PIAS2: variants seen among roughly 807,000 people sequenced by gnomAD.
PIAS2 encodes the protein protein inhibitor of activated STAT 2.
A neutral mutation model predicts 69.7 loss-of-function variants in PIAS2; 19 were observed. The ratio of observed to expected loss-of-function variants is 0.27; its 90% CI spans 0.19 to 0.40. The LOEUF (loss-of-function observed/expected upper bound fraction) is 0.40, where lower values mean the gene tolerates loss of function less well. Among genes scored for constraint, PIAS2 ranks in the 10% least tolerant of loss-of-function variants. PIAS2 has a pLI of 1.00. For missense variants in PIAS2, 624 were observed against 757.0 expected, an observed-to-expected ratio of 0.82 and a Z score of 2.06; for synonymous variants, 261 against 263.2, an observed-to-expected ratio of 0.99 and a Z score of 0.08.
intron 1 of PIAS2, among the ~76,000 whole-genome samples, chr18:46,907,001 G>A (rs1390938883): frequency 2.0e-5 from 3 of 152,160 alleles, no homozygotes; most frequent in Non-Finnish European, 4.4e-5. Context: ...GCACTACAAA[G>A]GCAGTAAGGA....
chr18:46,904,184 C>A (rs770765198), intron 1 of PIAS2: 3 of 151,826 alleles, frequency 2.0e-5, no homozygotes, highest in Non-Finnish European at 4.4e-5. Flanking sequence ...TGATACTGTA[C>A]TATGGTCTTT....
At chr18:46,880,511 G>A (rs571870185) in intron 2 of PIAS2, among the ~76,000 whole-genome samples, 1 of 152,320 alleles carries the variant, frequency 6.6e-6, no homozygotes, top group East Asian at 1.9e-4. Context: ...GAGGCCAAGA[G>A]TTCAAGGATG....
intron 2 of PIAS2, among the ~76,000 whole-genome samples, chr18:46,887,854 A>C (rs2053457945): frequency 6.6e-6 from 1 of 152,204 alleles, no homozygotes; most frequent in South Asian, 2.1e-4. Flanking sequence ...TGCTTGAGTA[A>C]GTTCTAGCCA....
chr18:46,821,503 T>A (rs2042175703), intron 11 of PIAS2, among the ~76,000 whole-genome samples: 1 of 152,198 alleles, frequency 6.6e-6, no homozygotes. Context: ...CTACTCACTG[T>A]AGCACAATCC....
At position 46,821,052 on chromosome 18, in the gene PIAS2, G is replaced by A. The variant is rs1476730777; in HGVS notation, c.1529C>T (p.Ser510Phe). ...AGTCACACTGGGCACCCTTACAGAA[G>A]ATGGCTGATACATGAGAACCCTGTT... The part of the protein sequence containing the change: ...PTKGVLMYQP[S>F]SVRVPSVTSV... Residue 510 changes from serine (S) to phenylalanine (F), a missense_variant, in exon 12 of 14, where the codon TCT becomes TTT. Coordinates refer to ENST00000585916, the MANE Select transcript of PIAS2 (RefSeq NM_004671.5). 6.2e-6 allele frequency: 10 copies of A among 1,613,266 alleles called. No homozygotes were observed. Among genetic ancestry groups the A allele is most frequent in the Non-Finnish European group, 8.5e-6 (10 of 1,179,552 alleles).
intron 2 of PIAS2, among the ~76,000 whole-genome samples, chr18:46,885,555 A>G (rs2053030903): frequency 6.6e-6 from 1 of 151,948 alleles, no homozygotes; most frequent in South Asian, 2.1e-4. Context: ...GCATATACTC[A>G]TTATGGTTTT....
At chr18:46,821,949 C>T (rs1271181931) in intron 11 of PIAS2, among the ~76,000 whole-genome samples, 1 of 151,996 alleles carries the variant, frequency 6.6e-6, no homozygotes, top group Non-Finnish European at 1.5e-5. Flanking sequence ...TTTCTCTTAG[C>T]CCAGGGTAAA....
intron 1 of PIAS2, among the ~76,000 whole-genome samples, chr18:46,896,019 C>T (rs1056492851): frequency 6.6e-6 from 1 of 151,664 alleles, no homozygotes; most frequent in African/African-American, 2.4e-5. Context: ...ATGCTACATT[C>T]CAAATTCAGG....
intron 6 of PIAS2, among the ~76,000 whole-genome samples, chr18:46,845,390 C>A (rs536743577): frequency 3.8e-4 from 58 of 152,200 alleles, no homozygotes; most frequent in African/African-American, 1.2e-3. Context: ...GCAAATGAAC[C>A]AGGTATCAGC....
Position 46,807,377 on chromosome 18 carries a change from ATATATATTTTTT to A in PIAS2, c.*5044_*5055del, listed in dbSNP as rs1478522884. On this transcript the variant is annotated 3_prime_UTR_variant, in exon 14 of 14. Transcript: ENST00000585916. ...ATTTTATATATATATATATATATAT[ATATATATTTTTT>A]TTTTTTTTTTTTTTTTTTTTTAGAG... 7 of 25,048 alleles carry A rather than the reference ATATATATTTTTT, an allele frequency of 2.8e-4. No individual in the cohort carries two copies. Among genetic ancestry groups the A allele is most frequent in the Non-Finnish European group, 4.5e-4 (6 of 13,428 alleles). 1.6% of individuals were successfully genotyped at this position (25,048 alleles called of 1,614,324 possible). A position where few individuals can be genotyped will look rare whatever the true frequency, so the allele number is the denominator to read the frequency against.
chr18:46,913,053 T>C (rs1371048577), intron 1 of PIAS2, among the ~76,000 whole-genome samples: 1 of 152,218 alleles, frequency 6.6e-6, no homozygotes, highest in African/African-American at 2.4e-5. Flanking sequence ...AGGTGAAGCC[T>C]TGGAAATTTT....
In PIAS2 at chr18:46,850,845, C is replaced by A. The variant is rs118113327; in HGVS notation, c.727-4004G>T. Among the ~76,000 whole-genome samples, 301 of 152,310 alleles carry A rather than the reference C, an allele frequency of 2.0e-3. 5 individuals are homozygous for A. The East Asian group carries it at 0.037, about 19-fold the overall frequency. ...TTAGCCGAAATGTTTCCATAAAGAG[C>A]TTGACCACATCAACAGCTGGTCACC... On this transcript the variant is annotated intron_variant, in intron 5 of 13. Transcript: ENST00000585916.
intron 1 of PIAS2, among the ~76,000 whole-genome samples, chr18:46,894,344 C>T (rs1032963436): frequency 2.0e-5 from 3 of 152,082 alleles, no homozygotes; most frequent in African/African-American, 7.2e-5. Context: ...TAGAGAGGGT[C>T]ACCAGAGCCC....
chr18:46,900,593 C>A (rs895597142), intron 1 of PIAS2, among the ~76,000 whole-genome samples: 6 of 151,974 alleles, frequency 3.9e-5, no homozygotes, highest in African/African-American at 1.5e-4. Context: ...AGGAGGATAC[C>A]CTGGGCCCAG....
At chr18:46,891,503 G>C (rs2054072329) in intron 1 of PIAS2, 1 of 164,196 alleles carries the variant, frequency 6.1e-6, no homozygotes, top group Admixed American at 6.5e-5. Flanking sequence ...TGTAACTTTT[G>C]ATGCTGAGTA....
At position 46,845,887 on chromosome 18, in the gene PIAS2, T is replaced by C. The variant is rs542660243; in HGVS notation, c.861+820A>G. 2.6e-4 allele frequency among the ~76,000 whole-genome samples: 39 copies of C among 152,304 alleles called. 1 individual carries two copies. Among genetic ancestry groups the C allele is most frequent in the South Asian group, 1.7e-3 (8 of 4,830 alleles). On this transcript the variant is annotated intron_variant, in intron 6 of 13. Transcript: ENST00000585916. ...TCATTTATTCCAATGTCTGTAAAGT[T>C]ACTCCCAGCTCTGCAATTACCTTGG...
Position 46,829,872 on chromosome 18 carries a change from A to G in PIAS2, c.1203-5T>C, listed in dbSNP as rs372670353. 256 of 1,610,656 alleles carry G rather than the reference A, an allele frequency of 1.6e-4. No homozygotes were observed. The highest frequency in any genetic ancestry group is 1.9e-4 in the Non-Finnish European group (219 of 1,178,648). ...TTGAGAATTTCCATAAAAAGCCTAA[A>G]AAACAATTAAGAAGTACATACATGT... On this transcript the variant is annotated splice_polypyrimidine_tract_variant and splice_region_variant and intron_variant, in intron 9 of 13. Coordinates refer to ENST00000585916, the MANE Select transcript of PIAS2 (RefSeq NM_004671.5).
intron 10 of PIAS2, among the ~76,000 whole-genome samples, chr18:46,829,124 A>G (rs1286945271): frequency 6.6e-6 from 1 of 152,194 alleles, no homozygotes; most frequent in Non-Finnish European, 1.5e-5. Context: ...GGTTTCAATG[A>G]GACTGTTAGA....
At chr18:46,919,367 T>G (rs924014514), upstream of PIAS2, among the ~76,000 whole-genome samples, 6 of 151,890 alleles carry the variant, frequency 4.0e-5, no homozygotes, top group African/African-American at 1.5e-4. Flanking sequence ...ATTCCTGTAA[T>G]CCCAGCTACT....
Sources: allele counts gnomAD v4.1 joint callset (sites outside exome capture counted in the v4.1 genomes callset), GRCh38; gene constraint gnomAD v4.1.1; transcripts MANE v1.5; gene names NCBI Gene and HGNC (gene_info 2026-07-23, HGNC 2026-07-21).